The following CA10 variants were observed in gnomAD, a reference collection of about 807,000 sequenced individuals.
CA10 encodes the protein carbonic anhydrase-related protein 10.
In CA10, 14 loss-of-function variants were observed where a neutral mutation model predicts 44.2. That is an observed-to-expected ratio of 0.32 (90% confidence interval 0.21 to 0.50). The LOEUF (loss-of-function observed/expected upper bound fraction) is 0.50. Among genes scored for constraint, CA10 ranks in the 20% least tolerant of loss-of-function variants. CA10 has a pLI of 0.99. For missense variants in CA10, 350 were observed against 409.7 expected, an observed-to-expected ratio of 0.85 and a Z score of 1.26; for synonymous variants, 159 against 141.6, an observed-to-expected ratio of 1.12 and a Z score of -0.87.
intron 8 of CA10, among the ~76,000 whole-genome samples, chr17:51,632,311 G>T (rs1422311514): frequency 6.6e-6 from 1 of 152,152 alleles, no homozygotes; most frequent in Admixed American, 6.6e-5. Flanking sequence ...CACAATACAG[G>T]GGTTTTGACT....
chr17:51,922,102 T>C (rs542633123), intron 3 of CA10, among the ~76,000 whole-genome samples: 2 of 152,334 alleles, frequency 1.3e-5, no homozygotes, highest in Admixed American at 6.5e-5. Context: ...ATTGGCTTGA[T>C]AACTTGCATT....
chr17:51,780,942 G>A (rs956295412), intron 3 of CA10, among the ~76,000 whole-genome samples: 2 of 152,240 alleles, frequency 1.3e-5, no homozygotes, highest in African/African-American at 4.8e-5. Context: ...AAATGGGCAT[G>A]GCAGTGGGCT....
intron 2 of CA10, among the ~76,000 whole-genome samples, chr17:52,025,444 A>G (rs1409995148): frequency 6.6e-6 from 1 of 151,900 alleles, no homozygotes; most frequent in African/African-American, 2.4e-5. Context: ...CCAAGGAGAA[A>G]CAGCACATAC....
chr17:51,897,290 C>T (rs1343292984), intron 3 of CA10, among the ~76,000 whole-genome samples: 1 of 152,102 alleles, frequency 6.6e-6, no homozygotes, highest in African/African-American at 2.4e-5. Flanking sequence ...CTGCATATGG[C>T]TAGCCAGTTA....
chr17:51,869,317 T>A (rs1979702500), intron 3 of CA10, among the ~76,000 whole-genome samples: 1 of 152,178 alleles, frequency 6.6e-6, no homozygotes, highest in African/African-American at 2.4e-5. Context: ...AAAGAGTAGC[T>A]GCTTGAAGGT....
chr17:51,642,132 T>C (rs1001375242), intron 6 of CA10, among the ~76,000 whole-genome samples: 2 of 152,208 alleles, frequency 1.3e-5, no homozygotes, highest in East Asian at 1.9e-4. Context: ...CCTCTGAGAA[T>C]TGGATTCGTG....
chr17:51,893,444 TTGAC>T (rs1195393454), intron 3 of CA10, among the ~76,000 whole-genome samples: 12 of 151,934 alleles, frequency 7.9e-5, no homozygotes, highest in East Asian at 1.9e-4. Flanking sequence ...TTTTGTCTCT[TTGAC>T]TTAAATACAG....
At chr17:51,846,480 A>G (rs1978498791) in intron 3 of CA10, among the ~76,000 whole-genome samples, 1 of 152,204 alleles carries the variant, frequency 6.6e-6, no homozygotes, top group South Asian at 2.1e-4. Context: ...TACAGGTATT[A>G]GCCCTGGAAA....
chr17:51,791,147 C>T (rs1342686531), intron 3 of CA10, among the ~76,000 whole-genome samples: 1 of 152,158 alleles, frequency 6.6e-6, no homozygotes, highest in East Asian at 1.9e-4. Context: ...ATAGTTTGTT[C>T]TCTGTGCATG....
At chr17:51,812,266 C>T (rs182184685) in intron 3 of CA10, among the ~76,000 whole-genome samples, 24 of 152,280 alleles carry the variant, frequency 1.6e-4, no homozygotes, top group Non-Finnish European at 2.4e-4. Flanking sequence ...TTAAAAACAA[C>T]GGTAATACGT....
chr17:51,737,959 C>T (rs981425627), intron 4 of CA10, among the ~76,000 whole-genome samples: 12 of 152,300 alleles, frequency 7.9e-5, no homozygotes, highest in East Asian at 3.9e-4. Flanking sequence ...TAGGCTGCTT[C>T]GGCTAAATAT....
chr17:51,973,394 C>T (rs115824553), intron 2 of CA10, among the ~76,000 whole-genome samples: 1,663 of 152,292 alleles, frequency 0.011, 34 homozygotes, highest in African/African-American at 0.038. Context: ...GGAGGACGCT[C>T]TGCAGATAAG....
intron 3 of CA10, among the ~76,000 whole-genome samples, chr17:51,820,710 T>C (rs912788291): frequency 6.6e-6 from 1 of 152,056 alleles, no homozygotes; most frequent in Non-Finnish European, 1.5e-5. Flanking sequence ...CAATTGGCTC[T>C]AGATTCTTGA....
intron 4 of CA10, among the ~76,000 whole-genome samples, chr17:51,676,535 C>G (rs536760561): frequency 1.5e-3 from 229 of 152,296 alleles, no homozygotes; most frequent in African/African-American, 5.4e-3. Context: ...TTTTAAGAAG[C>G]CCTCTAGGTG....
At chr17:51,818,464 C>T (rs1052050832) in intron 3 of CA10, among the ~76,000 whole-genome samples, 1 of 152,088 alleles carries the variant, frequency 6.6e-6, no homozygotes, top group South Asian at 2.1e-4. Flanking sequence ...CTAAACCAAC[C>T]CTTCTTTTAG....
intron 1 of CA10, among the ~76,000 whole-genome samples, chr17:52,125,666 A>G (rs1253663238): frequency 6.6e-6 from 1 of 152,000 alleles, no homozygotes; most frequent in Admixed American, 6.6e-5. Context: ...TTTTCCCATA[A>G]CAGTTATCCT....
At chr17:51,825,902 C>T (rs947296852) in intron 3 of CA10, among the ~76,000 whole-genome samples, 3 of 152,242 alleles carry the variant, frequency 2.0e-5, no homozygotes, top group Non-Finnish European at 2.9e-5. Flanking sequence ...CTGTATCAAT[C>T]TTAGCATGCC....
intron 4 of CA10, among the ~76,000 whole-genome samples, chr17:51,725,722 A>T (rs1000113415): frequency 6.6e-6 from 1 of 152,146 alleles, no homozygotes; most frequent in African/African-American, 2.4e-5. Context: ...CCCATCCCAC[A>T]TGCTTGTTTC....
At chr17:52,062,065 CTTTTTT>C (rs56369087) in intron 2 of CA10, among the ~76,000 whole-genome samples, 1 of 115,838 alleles carries the variant, frequency 8.6e-6, no homozygotes, top group Non-Finnish European at 1.7e-5. Context: ...GGTGTGGCCA[CTTTTTT>C]TTTTTTTTTT....
Sources: gnomAD v4.1 joint callset for allele counts (sites outside exome capture counted in the v4.1 genomes callset) on GRCh38, gnomAD v4.1.1 for gene constraint, MANE v1.5 for transcripts, NCBI Gene and HGNC (gene_info 2026-07-23, HGNC 2026-07-21) for gene names.